CAPZA1: variants seen among roughly 807,000 people sequenced by gnomAD.
The protein encoded by CAPZA1 is F-actin-capping protein subunit alpha-1.
A neutral mutation model predicts 40.8 loss-of-function variants in CAPZA1; 10 were observed. That is an observed-to-expected ratio of 0.25 (90% confidence interval 0.15 to 0.42). The LOEUF (loss-of-function observed/expected upper bound fraction) is 0.42. CAPZA1 is among the 10% of genes least tolerant of loss of function. CAPZA1 has a pLI of 1.00. For missense variants in CAPZA1, 277 were observed against 353.8 expected (o/e 0.78, Z 1.74); for synonymous variants, 98 against 115.0 (o/e 0.85, Z 0.95).
intron 1 of CAPZA1, among the ~76,000 whole-genome samples, chr1:112,639,027 GT>G (rs1439756283): frequency 6.7e-6 from 1 of 148,422 alleles, no homozygotes; most frequent in East Asian, 1.9e-4. Flanking sequence ...ATAATTATAT[GT>G]ATTATGTCTA....
At chr1:112,625,737 TATG>T (rs1401776902) in intron 1 of CAPZA1, among the ~76,000 whole-genome samples, 13 of 152,206 alleles carry the variant, frequency 8.5e-5, no homozygotes, top group Non-Finnish European at 2.9e-5. Flanking sequence ...GCTTCCTAAT[TATG>T]ATATCTTGGT....
Position 112,656,440 on chromosome 1 carries a change from A to ATTT in CAPZA1, c.426+1793_426+1795dup, listed in dbSNP as rs56343358. ...GTTAGGCTAGGTGTCATTATGTTTG[A>ATTT]TTTTTTTTTTTTTTTTTTTTTTTTT... is the stretch of plus-strand genomic sequence containing the variant. On this transcript the variant is annotated intron_variant, in intron 5 of 9. Transcript: ENST00000263168. 3.6e-3 allele frequency among the ~76,000 whole-genome samples: 164 copies of ATTT among 45,762 alleles called. 45 individuals carry two copies. The highest frequency in any genetic ancestry group is 0.031 in the South Asian group (18 of 586). 30.0% of individuals were successfully genotyped at this position (45,762 alleles called of 152,430 possible).
At chr1:112,640,749 G>A (rs2101154431) in intron 1 of CAPZA1, among the ~76,000 whole-genome samples, 1 of 152,380 alleles carries the variant, frequency 6.6e-6, no homozygotes, top group Admixed American at 6.5e-5. Context: ...GAACGGGCCA[G>A]GATGACAATG....
chr1:112,660,807 C>G (rs535634863), intron 7 of CAPZA1, among the ~76,000 whole-genome samples: 2 of 147,600 alleles, frequency 1.4e-5, no homozygotes, highest in East Asian at 4.0e-4. Context: ...TTATGTGAAG[C>G]TGTGCTTTAA....
intron 7 of CAPZA1, among the ~76,000 whole-genome samples, chr1:112,663,005 G>A (rs929566372): frequency 6.6e-6 from 1 of 151,280 alleles, no homozygotes; most frequent in African/African-American, 2.4e-5. Context: ...TTGCTCTGTC[G>A]CCAGGCTGGA....
chr1:112,635,205 T>G (rs535773445), intron 1 of CAPZA1, among the ~76,000 whole-genome samples: 28 of 152,252 alleles, frequency 1.8e-4, no homozygotes, highest in Middle Eastern at 3.4e-3. Context: ...GAACCCAACC[T>G]TAAAAAATGG....
At chr1:112,650,068 A>G (rs1434407413) in intron 3 of CAPZA1, 1 of 152,056 alleles carries the variant, frequency 6.6e-6, no homozygotes, top group Non-Finnish European at 1.5e-5. Context: ...GTCTGGCTTT[A>G]TCACTACTCT....
chr1:112,663,959 C>T (rs1250988404), intron 7 of CAPZA1, among the ~76,000 whole-genome samples: 1 of 151,946 alleles, frequency 6.6e-6, no homozygotes, highest in Non-Finnish European at 1.5e-5. Flanking sequence ...ACTTGCCGGG[C>T]ACGGTGGCTC....
intron 7 of CAPZA1, among the ~76,000 whole-genome samples, chr1:112,660,449 T>G (rs1301970904): frequency 6.6e-6 from 1 of 151,950 alleles, no homozygotes; most frequent in East Asian, 1.9e-4. Context: ...CCTAGCTAAT[T>G]TTCTATTTTT....
chr1:112,649,788 A>G (rs1256705127), intron 3 of CAPZA1: 3 of 337,554 alleles, frequency 8.9e-6, no homozygotes, highest in Non-Finnish European at 1.6e-5. Context: ...ACAGCTAGCT[A>G]TACATAGGAA....
chr1:112,664,610 G>A (rs369606849), intron 7 of CAPZA1, among the ~76,000 whole-genome samples: 6 of 152,118 alleles, frequency 3.9e-5, no homozygotes, highest in East Asian at 1.9e-4. Context: ...AGGGTTAGTC[G>A]TAGTCCTCAT....
rs578027981 is a variant in CAPZA1, at chr1:112,670,467, A to G, written c.*335A>G. ...GTTTAAAAAAGTTTCCTAGCCATGA[A>G]GCCCTGCTACTGATTTAGACAAGGT... On this transcript the variant is annotated 3_prime_UTR_variant, in exon 10 of 10. Coordinates refer to ENST00000263168, the MANE Select transcript of CAPZA1 (RefSeq NM_006135.3). The G allele has an allele frequency of 4.5e-6, 1 of 219,806 alleles. No individual in the cohort carries two copies. The highest frequency in any genetic ancestry group is 1.3e-4 in the East Asian group (1 of 7,514). 13.6% of individuals were successfully genotyped at this position (219,806 alleles called of 1,614,324 possible). A position where few individuals can be genotyped will look rare whatever the true frequency, so the allele number is the denominator to read the frequency against.
intron 1 of CAPZA1, among the ~76,000 whole-genome samples, chr1:112,640,260 A>G (rs1299237916): frequency 1.7e-4 from 15 of 89,766 alleles, no homozygotes; most frequent in Admixed American, 5.5e-4. Flanking sequence ...GGCCGCCCCT[A>G]CTGGGAAGTG....
chr1:112,649,541 A>G (rs905844204), intron 3 of CAPZA1, 72 bp downstream of exon 3: 1 of 1,209,552 alleles, frequency 8.3e-7, no homozygotes, highest in East Asian at 2.3e-5. Flanking sequence ...GTAAACTAGC[A>G]CCCTGAAAAC....
At chr1:112,626,412 A>G (rs1348976187) in intron 1 of CAPZA1, among the ~76,000 whole-genome samples, 2 of 151,330 alleles carry the variant, frequency 1.3e-5, no homozygotes, top group Admixed American at 6.6e-5. Flanking sequence ...TGGGCAACAT[A>G]GTGAGATCCC....
At chr1:112,653,499 C>A in intron 3 of CAPZA1, 99 bp from the exon 4 acceptor site, 1 of 773,316 alleles carries the variant, frequency 1.3e-6, no homozygotes, top group South Asian at 1.6e-5. Context: ...CATTTCCTTT[C>A]ACTATTCTGT....
At chr1:112,631,370 G>A (rs901743447) in intron 1 of CAPZA1, among the ~76,000 whole-genome samples, 12 of 152,318 alleles carry the variant, frequency 7.9e-5, no homozygotes, top group Admixed American at 2.6e-4. Flanking sequence ...ATGGGAGTCT[G>A]TCTCATGTTA....
At chr1:112,623,249 T>A (rs749148658) in intron 1 of CAPZA1, among the ~76,000 whole-genome samples, 15 of 152,206 alleles carry the variant, frequency 9.9e-5, no homozygotes, top group Non-Finnish European at 2.1e-4. Flanking sequence ...TAGTTACCAT[T>A]GTAGGATAAA....
chr1:112,647,910 C>T (rs1671313104), intron 2 of CAPZA1, among the ~76,000 whole-genome samples: 1 of 152,194 alleles, frequency 6.6e-6, no homozygotes, highest in Non-Finnish European at 1.5e-5. Context: ...GCATCTTAAA[C>T]TTCATGGTGA....
Sources: gnomAD v4.1 joint callset for allele counts (sites outside exome capture counted in the v4.1 genomes callset) on GRCh38, gnomAD v4.1.1 for gene constraint, MANE v1.5 for transcripts, NCBI Gene and HGNC (gene_info 2026-07-23, HGNC 2026-07-21) for gene names.